FAM241B: variants seen among roughly 807,000 people sequenced by gnomAD.
The protein encoded by FAM241B is family with sequence similarity 241 member B, also known as protein FAM241B.
FAM241B carries 7 observed loss-of-function variants against 9.3 expected under a neutral mutation model. That is an observed-to-expected ratio of 0.75 (90% confidence interval 0.43 to 1.41). FAM241B has a LOEUF of 1.41. FAM241B is among the 40% of genes most tolerant of loss of function. The probability of loss-of-function intolerance (pLI) is 0.01; values close to 1 mark genes in which losing one functional copy is unlikely to be tolerated. For missense variants in FAM241B, 136 were observed against 159.6 expected (o/e 0.85, Z 0.80); for synonymous variants, 60 against 64.1 (o/e 0.94, Z 0.31).
At chr10:69,631,048 CCATTTTT>C in intron 1 of FAM241B, among the ~76,000 whole-genome samples, 1 of 152,302 alleles carries the variant, frequency 6.6e-6, no homozygotes, top group East Asian at 1.9e-4. Flanking sequence ...CACACTCGAC[CCATTTTT>C]TAGTGGAAGG....
At position 69,631,541 on chromosome 10, in the gene FAM241B, A is replaced by T; in HGVS notation, c.-42A>T. On this transcript the variant is annotated 5_prime_UTR_variant, in exon 2 of 4. Coordinates refer to ENST00000373279, the MANE Select transcript of FAM241B (RefSeq NM_145306.3). ...CATCACTGACTGCAAGCCTCCCTCA[A>T]TTTCTGGTAAATTTTTTCCTTCAAG... is the stretch of plus-strand genomic sequence containing the variant. 1 of 1,544,480 alleles carries T rather than the reference A, an allele frequency of 6.5e-7. No homozygotes were observed. The highest frequency in any genetic ancestry group is 8.7e-7 in the Non-Finnish European group (1 of 1,143,514).
rs1404773627 is a variant in FAM241B, at chr10:69,631,560, C to T, written c.-36+13C>T. The T allele has an allele frequency of 7.1e-6, 11 of 1,546,534 alleles. No homozygotes were observed. Among genetic ancestry groups the T allele is most frequent in the Non-Finnish European group, 9.6e-6 (11 of 1,144,940 alleles). On this transcript the variant is annotated intron_variant, in intron 2 of 3. Coordinates refer to ENST00000373279, the MANE Select transcript of FAM241B (RefSeq NM_145306.3). ...CCCTCAATTTCTGGTAAATTTTTTC[C>T]TTCAAGCTTTTTGAGGTCAGGGGGA...
chr10:69,630,608 C>T, intron 1 of FAM241B: 1 of 1,291,974 alleles, frequency 7.7e-7, no homozygotes, highest in Non-Finnish European at 1.0e-6. Flanking sequence ...CGGGCAAGAC[C>T]ACAGGGCTCC....
Position 69,630,294 on chromosome 10 carries a change from GC to G in FAM241B, c.-120del, listed in dbSNP as rs1839793626. On this transcript the variant is annotated 5_prime_UTR_variant, in exon 1 of 4. Transcript: ENST00000373279. ...GCCGCCGGGAGTGGACGCCGCCGAG[GC>G]CCGGAGTCGCGCCTGCAGGTGAGTC... 2 of 152,674 alleles carry G rather than the reference GC, an allele frequency of 1.3e-5. No homozygotes were observed. The highest frequency in any genetic ancestry group is 4.8e-5 in the African/African-American group (2 of 41,452). The allele number at this position is 152,674 out of a possible 1,614,324, so 9.5% of individuals were successfully genotyped here.
chr10:69,630,722 G>A lies in FAM241B; in HGVS notation c.-104+409G>A, dbSNP rs1052829239. On this transcript the variant is annotated intron_variant, in intron 1 of 3. Transcript: ENST00000373279. ...GGCCTTTACCCAGACTCAAGGGGAGGCGTGGAGGGGCCCCGCAGTCCAGGG... is the reference window on the plus strand; with the variant it reads ...GGCCTTTACCCAGACTCAAGGGGAGACGTGGAGGGGCCCCGCAGTCCAGGG... 13 of 1,248,334 alleles carry A rather than the reference G, an allele frequency of 1.0e-5. No homozygotes were observed. The Admixed American group carries it at 3.6e-4, about 35-fold the overall frequency. 77.3% of individuals were successfully genotyped at this position (1,248,334 alleles called of 1,614,324 possible). A position where few individuals can be genotyped will look rare whatever the true frequency, so the allele number is the denominator to read the frequency against.
chr10:69,631,844 G>A lies in FAM241B; in HGVS notation c.96+5G>A. 3.1e-6 allele frequency: 5 copies of A among 1,606,026 alleles called. No individual in the cohort carries two copies. Among genetic ancestry groups the A allele is most frequent in the South Asian group, 1.1e-5 (1 of 88,810 alleles). ...AGAGGTAGCATTCCTCGACAGGTAG[G>A]TACTCATTTCCTGTGGAGTGGGACA... On this transcript the variant is annotated splice_donor_5th_base_variant and intron_variant, in intron 3 of 3. Transcript: ENST00000373279.
rs530835599 is a variant in FAM241B at position 69,632,646 on chromosome 10, A to C, written c.97-144A>C. 10 of 878,212 alleles carry C rather than the reference A, an allele frequency of 1.1e-5. No individual in the cohort carries two copies. In the African/African-American group the frequency reaches 1.5e-4, roughly 13 times the overall value. 54.4% of individuals were successfully genotyped at this position (878,212 alleles called of 1,614,324 possible). On this transcript the variant is annotated intron_variant, in intron 3 of 3. Transcript: ENST00000373279. ...TTGTGACTTGGTTGTTGGGATTCTT[A>C]TGGGTGGCATGGGGGATTGCTGAGA...
intron 3 of FAM241B, 147 bp downstream of exon 3, chr10:69,631,986 T>G: frequency 1.4e-6 from 1 of 724,298 alleles, no homozygotes; most frequent in South Asian, 1.9e-5. Flanking sequence ...AGTGGCTTAT[T>G]GTCTACCTCC....
chr10:69,632,963 C>T lies in FAM241B; in HGVS notation c.270C>T (p.Thr90=), dbSNP rs758570192. The change falls in exon 4 of 4, where the codon ACC becomes ACT. Residue 90 remains threonine, a synonymous_variant. Coordinates refer to ENST00000373279, the MANE Select transcript of FAM241B (RefSeq NM_145306.3). ...GCAACCATGCTGTGGAGCCGGTGAC[C>T]TCCATCCTGCTCCTCTTCCTGCTCA... ...HLGNHAVEPV[T]SILLLFLLMM... is the part of the protein sequence containing the mutation. The T allele has an allele frequency of 6.2e-7, 1 of 1,614,200 alleles. No individual in the cohort carries two copies. Among genetic ancestry groups the T allele is most frequent in the Non-Finnish European group, 8.5e-7 (1 of 1,180,024 alleles).
At chr10:69,630,763 C>G (rs2133255322) in intron 1 of FAM241B, 2 of 966,086 alleles carry the variant, frequency 2.1e-6, no homozygotes, top group Admixed American at 4.1e-5. Context: ...CGGAGTGGAG[C>G]CTTTCGAGGG....
In FAM241B at chr10:69,632,830, C is replaced by T. The variant is rs770392905; in HGVS notation, c.137C>T (p.Pro46Leu). 1 of 1,613,970 alleles carries T rather than the reference C, an allele frequency of 6.2e-7. No homozygotes were observed. Among genetic ancestry groups the T allele is most frequent in the Admixed American group, 1.7e-5 (1 of 60,032 alleles). Reference sequence around the variant, plus strand: ...GGCCATGGTGCTCCCCCAGGGGGTCCTGGCCCCCGCCAGCAGCAGGCAGGT... The same window carrying T: ...GGCCATGGTGCTCCCCCAGGGGGTCTTGGCCCCCGCCAGCAGCAGGCAGGT... ...NRGHGAPPGG[P>L]GPRQQQAGAR... The change falls in exon 4 of 4, where the codon CCT becomes CTT. Residue 46 changes from proline (P) to leucine (L), a missense_variant. Pro to Leu is a moderately conservative substitution (Grantham distance 98). Transcript: ENST00000373279.
chr10:69,632,983 T>A lies in FAM241B; in HGVS notation c.290T>A (p.Leu97Gln), dbSNP rs756140050. Residue 97 changes from leucine to glutamine, a missense_variant, in exon 4 of 4, where the codon CTG (leucine) becomes CAG (glutamine). Coordinates refer to ENST00000373279, the MANE Select transcript of FAM241B (RefSeq NM_145306.3). ...EPVTSILLLF[L>Q]LMMLGVRGLL... ...GTGACCTCCATCCTGCTCCTCTTCC[T>A]GCTCATGATGCTTGGTGTTCGTGGC... 1 of 1,614,098 alleles carries A rather than the reference T, an allele frequency of 6.2e-7. No individual in the cohort carries two copies. The highest frequency in any genetic ancestry group is 8.5e-7 in the Non-Finnish European group (1 of 1,180,044).
intron 2 of FAM241B, 57 bp from the exon 3 acceptor site, chr10:69,631,649 GGGA>G (rs1379876990): frequency 6.4e-7 from 1 of 1,558,892 alleles, no homozygotes; most frequent in African/African-American, 1.4e-5. Flanking sequence ...TTTTGTGGTG[GGGA>G]GAACTTCTGT....
Position 69,632,817 on chromosome 10 carries a change from C to T in FAM241B, c.124C>T (p.Pro42Ser), listed in dbSNP as rs201893020. ...CTTCTTCAACAGGGGCCATGGTGCT[C>T]CCCCAGGGGGTCCTGGCCCCCGCCA... ...QSFFNRGHGA[P>S]PGGPGPRQQQ... is the part of the protein sequence containing the mutation. The change falls in exon 4 of 4, where the codon CCC (proline) becomes TCC (serine). Residue 42 changes from proline (P) to serine (S), a missense_variant. Coordinates refer to ENST00000373279, the MANE Select transcript of FAM241B (RefSeq NM_145306.3). 5.6e-6 allele frequency: 9 copies of T among 1,613,532 alleles called. No homozygotes were observed. In the East Asian group the frequency reaches 6.7e-5, roughly 12 times the overall value.
intron 1 of FAM241B, chr10:69,630,807 G>C (rs1403526771): frequency 1.6e-6 from 1 of 627,702 alleles, no homozygotes. Context: ...ATTTTGGGAA[G>C]GCTGGGCCCT....
intron 3 of FAM241B, among the ~76,000 whole-genome samples, chr10:69,632,539 A>G (rs892153960): frequency 4.6e-5 from 7 of 151,502 alleles, no homozygotes; most frequent in African/African-American, 1.2e-4. Flanking sequence ...CTGTAGTCCA[A>G]CCTGCCTCAA....
chr10:69,631,960 G>T, intron 3 of FAM241B, 121 bp downstream of exon 3: 1 of 1,292,228 alleles, frequency 7.7e-7, no homozygotes, highest in Non-Finnish European at 1.0e-6. Context: ...TCTTTGCAGA[G>T]AGCTGGGGAA....
chr10:69,632,463 A>C (rs1839844667), intron 3 of FAM241B, among the ~76,000 whole-genome samples: 2 of 50,352 alleles, frequency 4.0e-5, no homozygotes, highest in Non-Finnish European at 4.1e-5. Context: ...GTCTCAAAAA[A>C]AAAAAAAAAA....
intron 2 of FAM241B, 61 bp downstream of exon 2, chr10:69,631,608 A>C: frequency 6.5e-7 from 1 of 1,548,768 alleles, no homozygotes; most frequent in South Asian, 1.2e-5. Flanking sequence ...GATCTTCACG[A>C]GTCTGGTCCC....
Sources: gnomAD v4.1 joint callset for allele counts (sites outside exome capture counted in the v4.1 genomes callset) on GRCh38, gnomAD v4.1.1 for gene constraint, MANE v1.5 for transcripts, NCBI Gene and HGNC (gene_info 2026-07-23, HGNC 2026-07-21) for gene names.